DEPDC5: variants seen among roughly 807,000 people sequenced by gnomAD.
DEPDC5 encodes GATOR1 complex protein DEPDC5.
A neutral mutation model predicts 217.3 loss-of-function variants in DEPDC5; 73 were observed. The observed-to-expected ratio is 0.34, with a 90% CI of 0.28 to 0.41. The LOEUF (loss-of-function observed/expected upper bound fraction) is 0.41. Ranked by LOEUF, DEPDC5 falls within the 10% of genes least tolerant of loss-of-function variation. DEPDC5 has a pLI of 1.00. For synonymous variants in DEPDC5, 733 were observed against 756.7 expected (o/e 0.97, Z 0.51); for missense variants, 1,675 against 2,070.1 (o/e 0.81, Z 3.70).
At chr22:31,784,722 A>G in intron 9 of DEPDC5, 92 bp from the exon 10 acceptor site, 2 of 1,263,534 alleles carry the variant, frequency 1.6e-6, no homozygotes, top group East Asian at 2.4e-5. Context: ...TTAGAGAAGA[A>G]TTTACTTAGA....
chr22:31,778,043 A>G, intron 7 of DEPDC5, 56 bp from the exon 8 acceptor site: 1 of 1,586,448 alleles, frequency 6.3e-7, no homozygotes, highest in Non-Finnish European at 8.7e-7. Flanking sequence ...CTATTGCACC[A>G]GGCATGTATT....
chr22:31,867,229 C>G (rs1427842172), intron 33 of DEPDC5, among the ~76,000 whole-genome samples: 1 of 152,050 alleles, frequency 6.6e-6, no homozygotes, highest in East Asian at 1.9e-4. Flanking sequence ...TCATGTGGAT[C>G]ATGGAAGTAA....
intron 20 of DEPDC5, 175 bp from the exon 21 acceptor site, chr22:31,814,817 A>G: frequency 3.2e-6 from 2 of 626,362 alleles, no homozygotes; most frequent in Admixed American, 2.9e-5. Context: ...CTCTTATATA[A>G]CATCTCAAGC....
Position 31,846,924 on chromosome 22 carries a change from A to G in DEPDC5, c.3112A>G (p.Thr1038Ala). ...TGCACCCCCAGTGGGGAAGAAGGGAACCTCAGCTCTCTCTGCCCTGTTGGA... is the reference window on the plus strand; with the variant it reads ...TGCACCCCCAGTGGGGAAGAAGGGAGCCTCAGCTCTCTCTGCCCTGTTGGA... ...STAPPVGKKGTSALSALLEME... is the reference protein window; with the variant it reads ...STAPPVGKKGASALSALLEME... The change falls in exon 31 of 43, where the codon ACC becomes GCC. Residue 1038 changes from threonine to alanine, a missense_variant. Transcript: ENST00000651528. The G allele has an allele frequency of 6.2e-7, 1 of 1,614,192 alleles. No homozygotes were observed. Among genetic ancestry groups the G allele is most frequent in the East Asian group, 2.2e-5 (1 of 44,880 alleles).
intron 32 of DEPDC5, chr22:31,859,079 G>GTTTTTTTTTTTTTTTTTT (rs136864): frequency 1.5e-5 from 1 of 67,008 alleles, no homozygotes; most frequent in Non-Finnish European, 2.8e-5. Context: ...CCATTCCTTT[G>GTTTTTTTTTTTTTTTTTT]TTTTTTTTTT....
At chr22:31,843,941 G>T in intron 29 of DEPDC5, 129 bp downstream of exon 29, 1 of 1,096,580 alleles carries the variant, frequency 9.1e-7, no homozygotes, top group South Asian at 2.3e-5. Flanking sequence ...AAGAGACAGG[G>T]TTGACTGGGC....
At chr22:31,774,794 A>G (rs1346272396) in intron 7 of DEPDC5, among the ~76,000 whole-genome samples, 1 of 152,076 alleles carries the variant, frequency 6.6e-6, no homozygotes, top group African/African-American at 2.4e-5. Flanking sequence ...CCTGGGCAAC[A>G]TAGCAAGATA....
intron 32 of DEPDC5, among the ~76,000 whole-genome samples, 168 bp from the exon 33 acceptor site, chr22:31,861,200 C>A (rs1360648837): frequency 6.9e-6 from 1 of 144,266 alleles, no homozygotes; most frequent in Non-Finnish European, 1.5e-5. Context: ...TTTTAATTTT[C>A]CCTATCCTCT....
chr22:31,850,739 C>T (rs538011447), intron 31 of DEPDC5, among the ~76,000 whole-genome samples: 1 of 152,076 alleles, frequency 6.6e-6, no homozygotes, highest in African/African-American at 2.4e-5. Flanking sequence ...TAGTGAGACC[C>T]TATCTCAAAA....
chr22:31,831,756 T>C (rs1193838219), intron 24 of DEPDC5, among the ~76,000 whole-genome samples: 1 of 152,194 alleles, frequency 6.6e-6, no homozygotes, highest in Admixed American at 6.5e-5. Flanking sequence ...CCCATCTTTT[T>C]AAATAAAAAA....
intron 17 of DEPDC5, chr22:31,805,239 G>A (rs1201730258): frequency 1.8e-5 from 3 of 168,140 alleles, no homozygotes; most frequent in East Asian, 1.7e-4. Context: ...AGAAGTCCCC[G>A]CGCCTCTTTA....
At chr22:31,780,007 G>T (rs5753783) in intron 8 of DEPDC5, among the ~76,000 whole-genome samples, 7,941 of 152,290 alleles carry the variant, frequency 0.052, 505 homozygotes, top group East Asian at 0.32. Flanking sequence ...AGGCTGGGAA[G>T]TTTTGTCTTT....
At chr22:31,868,375 C>A (rs1053037010) in intron 33 of DEPDC5, among the ~76,000 whole-genome samples, 3 of 151,972 alleles carry the variant, frequency 2.0e-5, no homozygotes, top group African/African-American at 7.3e-5. Flanking sequence ...AGTTATCTGA[C>A]CCCAGAGGGC....
At chr22:31,794,094 G>T (rs966198033) in intron 12 of DEPDC5, among the ~76,000 whole-genome samples, 7 of 152,174 alleles carry the variant, frequency 4.6e-5, no homozygotes, top group Non-Finnish European at 1.0e-4. Context: ...AAGTGGTGGA[G>T]CATGGACCTG....
At chr22:31,790,378 T>A (rs1226208132) in intron 10 of DEPDC5, among the ~76,000 whole-genome samples, 1 of 152,204 alleles carries the variant, frequency 6.6e-6, no homozygotes, top group Non-Finnish European at 1.5e-5. Flanking sequence ...TGCAAGCCAC[T>A]TTTGATGTTC....
At chr22:31,818,964 T>G in intron 21 of DEPDC5, 58 bp from the exon 22 acceptor site, 1 of 1,578,182 alleles carries the variant, frequency 6.3e-7, no homozygotes, top group Non-Finnish European at 8.7e-7. Context: ...TACCTAGCTC[T>G]GGTTTCACTG....
At chr22:31,834,135 C>T (rs764498898) in intron 25 of DEPDC5, 155 bp downstream of exon 25, 1 of 791,520 alleles carries the variant, frequency 1.3e-6, no homozygotes, top group Non-Finnish European at 2.2e-6. Flanking sequence ...GGAGGACTCT[C>T]TGGACTCTGT....
At position 31,833,122 on chromosome 22, in the gene DEPDC5, G is replaced by A. The variant is rs998166165; in HGVS notation, c.2105-793G>A. On this transcript the variant is annotated intron_variant, in intron 24 of 42. Coordinates refer to ENST00000651528, the MANE Select transcript of DEPDC5 (RefSeq NM_001242896.3). The stretch of plus-strand genomic sequence containing the variant: ...CTATCACCCAGGCTGGGGAGCAGTG[G>A]AGTGATTATAGCTTGCCACAGCCTT... Among the ~76,000 whole-genome samples the A allele has an allele frequency of 2.0e-5, 3 of 152,162 alleles. No homozygotes were observed. The East Asian group carries it at 5.8e-4, about 29-fold the overall frequency.
In DEPDC5 at chr22:31,901,846, T is replaced by C. The variant is rs191032934; in HGVS notation, c.4436+44T>C. ...GTGAAGAGTGGGAAGGAAATCAGTG[T>C]TTATCTTGAATAGCAGTTACCAAAG... is the stretch of plus-strand genomic sequence containing the variant. On this transcript the variant is annotated intron_variant, in intron 41 of 42. Transcript: ENST00000651528. 1.4e-4 allele frequency: 215 copies of C among 1,584,486 alleles called. 4 individuals are homozygous for C. In the Admixed American group the frequency reaches 3.5e-3, roughly 26 times the overall value.
Sources: gnomAD v4.1 joint callset for allele counts (sites outside exome capture counted in the v4.1 genomes callset) on GRCh38, gnomAD v4.1.1 for gene constraint, MANE v1.5 for transcripts, NCBI Gene and HGNC (gene_info 2026-07-23, HGNC 2026-07-21) for gene names.